The following CYP4Z1 variants were observed in gnomAD, a reference collection of about 807,000 sequenced individuals.
The protein encoded by CYP4Z1 is cytochrome P450 4Z1.
A neutral mutation model predicts 54.2 loss-of-function variants in CYP4Z1; 41 were observed. The observed-to-expected ratio is 0.76, with a 90% confidence interval of 0.59 to 0.98. The LOEUF is 0.98. Ranked by LOEUF, CYP4Z1 falls within the 50% of genes least tolerant of loss-of-function variation. The probability of loss-of-function intolerance (pLI) is 0.00; values close to 1 mark genes in which losing one functional copy is unlikely to be tolerated. For synonymous variants in CYP4Z1, 163 were observed against 206.2 expected (o/e 0.79, Z 1.79); for missense variants, 513 against 599.0 (o/e 0.86, Z 1.50).
At chr1:47,096,028 CT>C (rs1644674217) in intron 7 of CYP4Z1, among the ~76,000 whole-genome samples, 1 of 152,166 alleles carries the variant, frequency 6.6e-6, no homozygotes, top group African/African-American at 2.4e-5. Context: ...AAACACGACT[CT>C]TCCTAAACCA....
the CYP4Z1 span, among the ~76,000 whole-genome samples, chr1:47,061,480 A>G: frequency 1.1e-4 from 16 of 152,220 alleles, no homozygotes; most frequent in Non-Finnish European, 1.5e-4. Context: ...AGACTGAACC[A>G]GGAAGAAATC....
chr1:47,080,315 T>C, intron 2 of CYP4Z1, among the ~76,000 whole-genome samples: 1 of 90,416 alleles, frequency 1.1e-5, no homozygotes, highest in South Asian at 5.8e-4. Flanking sequence ...CAAAAACAAA[T>C]GTATTTTTTC....
chr1:47,111,546 C>T (rs543228071), intron 9 of CYP4Z1, among the ~76,000 whole-genome samples: 1 of 152,270 alleles, frequency 6.6e-6, no homozygotes, highest in East Asian at 1.9e-4. Flanking sequence ...ACCCTACTAA[C>T]AGATTTTAAC....
At chr1:47,079,667 T>C (rs1644549676) in intron 2 of CYP4Z1, among the ~76,000 whole-genome samples, 1 of 152,254 alleles carries the variant, frequency 6.6e-6, no homozygotes, top group African/African-American at 2.4e-5. Context: ...GAAAGTGGAA[T>C]TAGTTAAGAA....
At chr1:47,075,741 GC>G in intron 2 of CYP4Z1, 1 of 195,048 alleles carries the variant, frequency 5.1e-6, no homozygotes, top group Non-Finnish European at 1.1e-5. Flanking sequence ...GGAAGTAGGT[GC>G]CAGTGTGAAC....
chr1:47,068,555 T>A, intron 1 of CYP4Z1, 67 bp from the exon 2 acceptor site: 4 of 1,579,728 alleles, frequency 2.5e-6, no homozygotes, highest in Non-Finnish European at 3.4e-6. Flanking sequence ...ACATGGTCCA[T>A]CCGAGGGAAA....
the CYP4Z1 span, among the ~76,000 whole-genome samples, chr1:47,058,930 G>A: frequency 1.3e-5 from 2 of 152,092 alleles, no homozygotes; most frequent in South Asian, 2.1e-4. Flanking sequence ...TAGATTCACT[G>A]TGGTGTTCTA....
intron 9 of CYP4Z1, among the ~76,000 whole-genome samples, chr1:47,114,773 G>A (rs373499369): frequency 4.6e-5 from 7 of 152,070 alleles, no homozygotes; most frequent in Admixed American, 1.3e-4. Context: ...TTAGAAAGGC[G>A]ATCATTAAAA....
intron 2 of CYP4Z1, among the ~76,000 whole-genome samples, chr1:47,077,298 T>A (rs1288191528): frequency 6.6e-6 from 1 of 152,152 alleles, no homozygotes; most frequent in East Asian, 1.9e-4. Flanking sequence ...AACTGTTATA[T>A]CTTCTTGATG....
chr1:47,118,107 A>T lies in CYP4Z1; in HGVS notation c.*173A>T. 1.4e-6 allele frequency: 1 copy of T among 690,246 alleles called. No individual in the cohort carries two copies. Among genetic ancestry groups the T allele is most frequent in the Non-Finnish European group, 2.2e-6 (1 of 459,460 alleles). The allele number at this position is 690,246 out of a possible 1,614,324, so 42.8% of individuals were successfully genotyped here. On this transcript the variant is annotated 3_prime_UTR_variant, in exon 12 of 12. Coordinates refer to ENST00000334194, the MANE Select transcript of CYP4Z1 (RefSeq NM_178134.3). ...ACAGTAATTTTAATTTCTTTGCTGT[A>T]TCTGGTGAAACCCACAAAAACACCT... is the stretch of plus-strand genomic sequence containing the variant.
chr1:47,115,374 C>T, intron 9 of CYP4Z1, 155 bp from the exon 10 acceptor site: 2 of 617,460 alleles, frequency 3.2e-6, no homozygotes, highest in Non-Finnish European at 5.7e-6. Flanking sequence ...TGCAGCACAC[C>T]AACATGGCAC....
chr1:47,068,708 G>C lies in CYP4Z1; in HGVS notation c.264G>C (p.Thr88=). 6.2e-7 allele frequency: 1 copy of C among 1,614,128 alleles called. No individual in the cohort carries two copies. Residue 88 remains threonine (T), a synonymous_variant, in exon 2 of 12, where the codon ACG becomes ACC. Transcript: ENST00000334194. The stretch of plus-strand genomic sequence containing the variant: ...TTCCCTTGTGGGTTGGACCCTTTAC[G>C]ATGTTCTTCAGTGTCCATGACCCAG... ...CAVPLWVGPF[T]MFFSVHDPDY... is the part of the protein sequence containing the mutation.
chr1:47,063,479 G>A (rs1644434507), upstream of CYP4Z1, among the ~76,000 whole-genome samples: 1 of 151,986 alleles, frequency 6.6e-6, no homozygotes, highest in Middle Eastern at 3.4e-3. Flanking sequence ...CCAACTTAAA[G>A]AAATCAAAAA....
At chr1:47,076,767 C>A (rs1644525569) in intron 2 of CYP4Z1, among the ~76,000 whole-genome samples, 1 of 146,318 alleles carries the variant, frequency 6.8e-6, no homozygotes. Flanking sequence ...ATGGCGTGAA[C>A]CCAGGAGGCG....
chr1:47,113,098 A>C (rs1213061115), intron 9 of CYP4Z1, among the ~76,000 whole-genome samples: 1 of 151,970 alleles, frequency 6.6e-6, no homozygotes, highest in Non-Finnish European at 1.5e-5. Context: ...CCTCTTTCCC[A>C]TTTTAAGGTA....
intron 6 of CYP4Z1, among the ~76,000 whole-genome samples, chr1:47,089,095 CTTTT>C (rs942151528): frequency 6.7e-5 from 10 of 148,784 alleles, no homozygotes; most frequent in African/African-American, 2.5e-4. Context: ...TTTATCCCTT[CTTTT>C]ATTAATTGCT....
intron 7 of CYP4Z1, among the ~76,000 whole-genome samples, chr1:47,098,182 G>A (rs976133183): frequency 1.3e-5 from 2 of 152,306 alleles, no homozygotes; most frequent in South Asian, 2.1e-4. Flanking sequence ...AATGGGAACA[G>A]CATTGAATCT....
In CYP4Z1 at chr1:47,118,294, T is replaced by C. The variant is rs1422183476; in HGVS notation, c.*360T>C. 1 of 168,764 alleles carries C rather than the reference T, an allele frequency of 5.9e-6. No individual in the cohort carries two copies. The highest frequency in any genetic ancestry group is 2.4e-5 in the African/African-American group (1 of 41,848). 10.5% of individuals were successfully genotyped at this position (168,764 alleles called of 1,614,324 possible). On this transcript the variant is annotated 3_prime_UTR_variant, in exon 12 of 12. Coordinates refer to ENST00000334194, the MANE Select transcript of CYP4Z1 (RefSeq NM_178134.3). ...TGATAGCTTTATTCTCAGTTATCTTTCCCCATAATAAAAAATATCTGCCAC... is the reference window on the plus strand; with the variant it reads ...TGATAGCTTTATTCTCAGTTATCTTCCCCCATAATAAAAAATATCTGCCAC...
chr1:47,070,289 T>C lies in CYP4Z1; in HGVS notation c.319+1526T>C, dbSNP rs534222435. On this transcript the variant is annotated intron_variant, in intron 2 of 11. Coordinates refer to ENST00000334194, the MANE Select transcript of CYP4Z1 (RefSeq NM_178134.3). The stretch of plus-strand genomic sequence containing the variant: ...TCTTTTAATTACATTCATTTTATTG[T>C]GGTAAAATATACATAAACTAAAAAT... Among the ~76,000 whole-genome samples, 436 of 114,412 alleles carry C rather than the reference T, an allele frequency of 3.8e-3. 136 individuals carry two copies. The highest frequency in any genetic ancestry group is 0.015 in the African/African-American group (417 of 27,418). 75.1% of individuals were successfully genotyped at this position (114,412 alleles called of 152,430 possible). A position where few individuals can be genotyped will look rare whatever the true frequency, so the allele number is the denominator to read the frequency against.
Sources: gnomAD v4.1 joint callset for allele counts (sites outside exome capture counted in the v4.1 genomes callset) on GRCh38, gnomAD v4.1.1 for gene constraint, MANE v1.5 for transcripts, NCBI Gene and HGNC (gene_info 2026-07-23, HGNC 2026-07-21) for gene names.